Variants in MTM1 observed in about 807,000 individuals in gnomAD.
The protein encoded by MTM1 is myotubularin.
Under a neutral mutation model 52.1 loss-of-function variants are expected in MTM1, and 9 were observed. That is an observed-to-expected ratio of 0.17 (90% CI 0.10 to 0.30). The LOEUF (loss-of-function observed/expected upper bound fraction) is 0.30. Among genes scored for constraint, MTM1 ranks in the 10% least tolerant of loss-of-function variants. MTM1 has a pLI of 1.00. For synonymous variants in MTM1, 136 were observed against 163.8 expected, an observed-to-expected ratio of 0.83 and a Z score of 1.29; for missense variants, 277 against 470.7, an observed-to-expected ratio of 0.59 and a Z score of 3.81.
At chrX:150,583,097 T>TTA (rs1439272437) in intron 1 of MTM1, among the ~76,000 whole-genome samples, 7 of 84,897 alleles carry the variant, frequency 8.2e-5, no homozygotes, top group Admixed American at 1.7e-4. Context: ...TTATATATAT[T>TTA]TATATATAAA....
chrX:150,579,353 C>G (rs1366744924), intron 1 of MTM1, among the ~76,000 whole-genome samples: 1 of 111,512 alleles, frequency 9.0e-6, no homozygotes, highest in Non-Finnish European at 1.9e-5. Context: ...CACGCCTGGC[C>G]CAAGCATGCA....
In MTM1 at chrX:150,664,937, G is replaced by C. The variant is rs1557414861; in HGVS notation, c.1644+1328G>C. On this transcript the variant is annotated intron_variant, in intron 14 of 14. Coordinates refer to ENST00000370396, the MANE Select transcript of MTM1 (RefSeq NM_000252.3). ...AAATTCTTGAAATTCAAGGAATTTG[G>C]AGCAGTTCATTTCTGAATTCCTAAA... Among the ~76,000 whole-genome samples, 5 of 111,746 alleles carry C rather than the reference G, an allele frequency of 4.5e-5. No individual in the cohort carries two copies. In the Admixed American group the frequency reaches 4.8e-4, roughly 11 times the overall value.
At chrX:150,613,663 T>C (rs1165541029) in intron 4 of MTM1, among the ~76,000 whole-genome samples, 1 of 112,078 alleles carries the variant, frequency 8.9e-6, no homozygotes, top group African/African-American at 3.2e-5. Flanking sequence ...GAAATGGGGA[T>C]ACTTCACCTA....
chrX:150,565,132 A>T (rs2038246056), upstream of MTM1, among the ~76,000 whole-genome samples: 6 of 112,091 alleles, frequency 5.4e-5, no homozygotes, highest in South Asian at 2.2e-3. Flanking sequence ...ATCCTCTCCC[A>T]TCTCTCTCCC....
chrX:150,629,671 T>C (rs1417518134), intron 6 of MTM1, among the ~76,000 whole-genome samples: 4 of 112,626 alleles, frequency 3.6e-5, no homozygotes, highest in Non-Finnish European at 7.5e-5. Flanking sequence ...TTTTTAGAAA[T>C]AGCATTTATT....
chrX:150,606,348 C>T lies in MTM1; in HGVS notation c.231+7662C>T, dbSNP rs181546989. Among the ~76,000 whole-genome samples the T allele has an allele frequency of 7.1e-5, 8 of 112,024 alleles. No individual in the cohort carries two copies. The East Asian group carries it at 2.2e-3, about 31-fold the overall frequency. ...TTTGTCCCTTGTCCCCATGCTAATC[C>T]CCAAACTTTAGGGTCTGTAAGCTAC... On this transcript the variant is annotated intron_variant, in intron 4 of 14. Coordinates refer to ENST00000370396, the MANE Select transcript of MTM1 (RefSeq NM_000252.3).
chrX:150,617,890 A>G (rs782678462), intron 5 of MTM1, among the ~76,000 whole-genome samples: 1 of 112,140 alleles, frequency 8.9e-6, no homozygotes, highest in East Asian at 2.8e-4. Flanking sequence ...TAGGGTTCCA[A>G]TGCAGAGCCA....
intron 13 of MTM1, among the ~76,000 whole-genome samples, chrX:150,662,791 T>G (rs181088261): frequency 3.9e-3 from 397 of 102,372 alleles, no homozygotes; most frequent in African/African-American, 0.014. Context: ...TTTTTTTTTC[T>G]TCCTCTCTCT....
intron 6 of MTM1, among the ~76,000 whole-genome samples, chrX:150,622,581 G>A: frequency 8.9e-6 from 1 of 112,072 alleles, no homozygotes; most frequent in Non-Finnish European, 1.9e-5. Context: ...ACATTCATTT[G>A]TGCAAGAGAA....
chrX:150,670,102 T>C lies in MTM1; in HGVS notation c.1645-1326T>C, dbSNP rs1395971364. Among the ~76,000 whole-genome samples, 4 of 112,493 alleles carry C rather than the reference T, an allele frequency of 3.6e-5. No homozygotes were observed. In the Admixed American group the frequency reaches 3.8e-4, roughly 11 times the overall value. ...TTAACTTTCTGGAGTACTGTTCTGT[T>C]GTATATCTTGACCTGGGTGTGATTA... On this transcript the variant is annotated intron_variant, in intron 14 of 14. Transcript: ENST00000370396.
Position 150,663,551 on chromosome X carries a change from G to A in MTM1, c.1586G>A (p.Arg529His), listed in dbSNP as rs782468721. 2.5e-6 allele frequency: 3 copies of A among 1,211,507 alleles called. No homozygotes were observed. Among genetic ancestry groups the A allele is most frequent in the Non-Finnish European group, 2.2e-6 (2 of 895,389 alleles). Residue 529 changes from arginine (R) to histidine (H), a missense_variant, in exon 14 of 15, where the codon CGT becomes CAT. Around this residue, in one of 4 missense-constraint regions of MTM1, gnomAD observed 59 missense variants for 107.8 expected, o/e 0.55. Transcript: ENST00000370396. ...NRVLYPVASM[R>H]HLELWVNYYI... ...GTTTTATATCCAGTTGCCAGTATGC[G>A]TCACTTGGAACTCTGGGTGAATTAC...
In MTM1 at chrX:150,628,769, C is replaced by G. The variant is rs187619044; in HGVS notation, c.444+9630C>G. ...TTTTTTTTTGAGACAGGGTCTTGCT[C>G]TGTCACCCAGGGTGGAGTGCAGTGG... On this transcript the variant is annotated intron_variant, in intron 6 of 14. Coordinates refer to ENST00000370396, the MANE Select transcript of MTM1 (RefSeq NM_000252.3). Among the ~76,000 whole-genome samples, 67 of 106,256 alleles carry G rather than the reference C, an allele frequency of 6.3e-4. 1 individual carries two copies. The highest frequency in any genetic ancestry group is 2.3e-3 in the African/African-American group (65 of 28,547). The allele number at this position is 106,256 out of a possible 115,157, so 92.3% of individuals were successfully genotyped here.
intron 1 of MTM1, among the ~76,000 whole-genome samples, chrX:150,578,729 A>G (rs958647319): frequency 9.0e-6 from 1 of 111,058 alleles, no homozygotes; most frequent in Non-Finnish European, 1.9e-5. Flanking sequence ...GTTCTGTTCC[A>G]TTGATCTGTA....
chrX:150,639,318 A>T (rs1471532219), intron 7 of MTM1, among the ~76,000 whole-genome samples: 1 of 96,663 alleles, frequency 1.0e-5, no homozygotes, highest in Non-Finnish European at 2.2e-5. Flanking sequence ...AATGAATTAA[A>T]TACTTAGGAT....
At chrX:150,606,351 A>G (rs782060112) in intron 4 of MTM1, among the ~76,000 whole-genome samples, 3 of 112,036 alleles carry the variant, frequency 2.7e-5, no homozygotes, top group African/African-American at 9.7e-5. Flanking sequence ...GCTAATCCCC[A>G]AACTTTAGGG....
At chrX:150,585,879 A>G (rs782535057) in intron 1 of MTM1, among the ~76,000 whole-genome samples, 2 of 111,969 alleles carry the variant, frequency 1.8e-5, no homozygotes, top group South Asian at 7.4e-4. Flanking sequence ...ACCCTGTTCC[A>G]TGGCCACAGC....
At chrX:150,632,314 G>A (rs183166583) in intron 6 of MTM1, among the ~76,000 whole-genome samples, 4 of 111,850 alleles carry the variant, frequency 3.6e-5, no homozygotes, top group Admixed American at 1.9e-4. Context: ...CAAAGAGGCC[G>A]CACAGATGCA....
rs189752798 is a variant in MTM1 at position 150,596,489 on chromosome X, T to C, written c.64-9T>C. 7 of 1,202,232 alleles carry C rather than the reference T, an allele frequency of 5.8e-6. No individual in the cohort carries two copies. In the East Asian group the frequency reaches 2.1e-4, roughly 36 times the overall value. On this transcript the variant is annotated splice_polypyrimidine_tract_variant and intron_variant, in intron 2 of 14. Transcript: ENST00000370396. ...GTCATTACTTCTGATGCATCTGTTT[T>C]GTTTCTAGACGTCTCGAGATGGAGT...
chrX:150,602,040 C>A (rs140709591), intron 4 of MTM1, among the ~76,000 whole-genome samples: 1 of 112,256 alleles, frequency 8.9e-6, no homozygotes, highest in African/African-American at 3.2e-5. Flanking sequence ...GGAGTCTTCC[C>A]CAGCTTCTCT....
Sources: allele counts gnomAD v4.1 joint callset (sites outside exome capture counted in the v4.1 genomes callset), GRCh38; gene constraint gnomAD v4.1.1; regional missense constraint gnomAD v4.1.1; transcripts MANE v1.5; gene names NCBI Gene and HGNC (gene_info 2026-07-23, HGNC 2026-07-21).